KATNIP: variants seen among roughly 807,000 people sequenced by gnomAD.
KATNIP encodes the protein katanin interacting protein.
In KATNIP, 126 loss-of-function variants were observed where a neutral mutation model predicts 174.0. The observed-to-expected ratio is 0.72, with a 90% CI of 0.63 to 0.84. The LOEUF (loss-of-function observed/expected upper bound fraction) is 0.84. Ranked by LOEUF, KATNIP falls within the 40% of genes least tolerant of loss-of-function variation. The probability of loss-of-function intolerance (pLI) is 0.00; values close to 1 mark genes in which losing one functional copy is unlikely to be tolerated. For synonymous variants in KATNIP, 810 were observed against 835.7 expected (o/e 0.97, Z 0.53); for missense variants, 1,958 against 2,109.7 (o/e 0.93, Z 1.41).
chr16:27,639,326 G>A (rs1032201814), intron 5 of KATNIP, among the ~76,000 whole-genome samples: 3 of 152,234 alleles, frequency 2.0e-5, no homozygotes, highest in Admixed American at 6.5e-5. Context: ...TGGTGGTGAT[G>A]TATGGCCTCT....
rs550344736 is a variant in KATNIP, at chr16:27,754,320, A to C, written c.3631+69A>C. Reference sequence around the variant, plus strand: ...TCCAGGGACAGGGGGAGTTGTGGCCACTTGGGACAGGGTTTCGCTGGACAA... The same window carrying C: ...TCCAGGGACAGGGGGAGTTGTGGCCCCTTGGGACAGGGTTTCGCTGGACAA... On this transcript the variant is annotated intron_variant, in intron 18 of 27. Transcript: ENST00000261588. 2.2e-5 allele frequency: 30 copies of C among 1,339,392 alleles called. No individual in the cohort carries two copies. In the Admixed American group the frequency reaches 5.2e-4, roughly 23 times the overall value. The allele number at this position is 1,339,392 out of a possible 1,614,324, so 83.0% of individuals were successfully genotyped here.
chr16:27,587,484 C>T (rs16976881), intron 2 of KATNIP, among the ~76,000 whole-genome samples: 2,008 of 152,272 alleles, frequency 0.013, 53 homozygotes, highest in African/African-American at 0.044. Flanking sequence ...AAAAATGGTT[C>T]GTTATCGTAC....
At chr16:27,615,263 G>A (rs2076007810) in intron 2 of KATNIP, among the ~76,000 whole-genome samples, 1 of 150,860 alleles carries the variant, frequency 6.6e-6, no homozygotes, top group South Asian at 2.1e-4. Context: ...CGAGCAGCTG[G>A]GAATACAGGC....
chr16:27,726,005 C>G (rs1449937145), intron 14 of KATNIP, among the ~76,000 whole-genome samples: 1 of 152,132 alleles, frequency 6.6e-6, no homozygotes, highest in Non-Finnish European at 1.5e-5. Context: ...AGGCCACAGA[C>G]CAGTACCAGT....
chr16:27,725,332 C>T (rs183440578), intron 14 of KATNIP, among the ~76,000 whole-genome samples: 3 of 152,298 alleles, frequency 2.0e-5, no homozygotes, highest in African/African-American at 2.4e-5. Context: ...GATGGCAAAT[C>T]GGCTGTGTCT....
At chr16:27,734,809 G>C (rs2080839167) in intron 14 of KATNIP, among the ~76,000 whole-genome samples, 1 of 152,194 alleles carries the variant, frequency 6.6e-6, no homozygotes, top group African/African-American at 2.4e-5. Context: ...TTGGAATCTA[G>C]CTTGACCCAC....
At chr16:27,640,874 G>A (rs1353003418) in intron 5 of KATNIP, among the ~76,000 whole-genome samples, 1 of 151,950 alleles carries the variant, frequency 6.6e-6, no homozygotes, top group African/African-American at 2.4e-5. Flanking sequence ...GGAGGCTCAC[G>A]CATGTAATCC....
At position 27,740,677 on chromosome 16, in the gene KATNIP, A is replaced by T. The variant is rs1035371937; in HGVS notation, c.2380A>T (p.Ile794Phe). ...WKGRLPSDDV[I>F]GEGPGETEAR... ...GGGCAGGCTCCCATCAGACGATGTC[A>T]TCGGTGAGGGTCCTGGAGAGACCGA... Residue 794 changes from isoleucine (I) to phenylalanine (F), a missense_variant, in exon 15 of 28, where the codon ATC becomes TTC. By Grantham distance (21) the Ile-to-Phe change is conservative. Around this residue, in one of 3 missense-constraint regions of KATNIP, gnomAD observed 1,557 missense variants for 1,617.8 expected, o/e 0.96. Coordinates refer to ENST00000261588, the MANE Select transcript of KATNIP (RefSeq NM_015202.5). The T allele has an allele frequency of 1.9e-6, 3 of 1,614,154 alleles. No individual in the cohort carries two copies. The highest frequency in any genetic ancestry group is 2.5e-6 in the Non-Finnish European group (3 of 1,180,004).
At chr16:27,589,790 T>TTTTA (rs1023849333) in intron 2 of KATNIP, among the ~76,000 whole-genome samples, 2 of 151,930 alleles carry the variant, frequency 1.3e-5, no homozygotes, top group African/African-American at 2.4e-5. Context: ...TTTTATTTTA[T>TTTTA]TTTATTTATT....
intron 21 of KATNIP, 52 bp downstream of exon 21, chr16:27,770,070 T>C: frequency 6.3e-7 from 1 of 1,588,686 alleles, no homozygotes. Context: ...CTGGGCCCGC[T>C]TGCTTTGCAA....
intron 5 of KATNIP, among the ~76,000 whole-genome samples, chr16:27,642,122 C>T (rs1244310145): frequency 2.6e-5 from 4 of 152,162 alleles, no homozygotes; most frequent in African/African-American, 9.7e-5. Flanking sequence ...GACTTGGGAC[C>T]AACACAGATG....
At chr16:27,630,263 T>C (rs2076446963) in intron 4 of KATNIP, among the ~76,000 whole-genome samples, 2 of 152,208 alleles carry the variant, frequency 1.3e-5, no homozygotes, top group African/African-American at 2.4e-5. Flanking sequence ...TTGCATAAAA[T>C]GGGAATAATT....
At chr16:27,551,351 T>C (rs928490283) in intron 1 of KATNIP, among the ~76,000 whole-genome samples, 2 of 152,210 alleles carry the variant, frequency 1.3e-5, no homozygotes, top group Admixed American at 6.5e-5. Flanking sequence ...TGTCATATGC[T>C]TAAAATATAT....
intron 5 of KATNIP, among the ~76,000 whole-genome samples, chr16:27,635,956 C>G (rs1446499267): frequency 2.6e-5 from 4 of 152,036 alleles, no homozygotes; most frequent in Non-Finnish European, 5.9e-5. Context: ...GAGTTCAAGA[C>G]CACCCCAGGC....
intron 2 of KATNIP, among the ~76,000 whole-genome samples, chr16:27,586,875 TAAGGAA>T (rs2090922089): frequency 6.7e-6 from 1 of 148,538 alleles, no homozygotes; most frequent in Admixed American, 6.7e-5. Context: ...GAAATAAGTA[TAAGGAA>T]GTTCAATAAA....
intron 6 of KATNIP, among the ~76,000 whole-genome samples, chr16:27,670,437 G>A (rs1039931651): frequency 3.3e-5 from 5 of 152,160 alleles, no homozygotes; most frequent in African/African-American, 1.2e-4. Flanking sequence ...CTCTTTCATT[G>A]GTCTGGATTT....
At chr16:27,655,044 A>C (rs938337929) in intron 6 of KATNIP, among the ~76,000 whole-genome samples, 2 of 151,470 alleles carry the variant, frequency 1.3e-5, no homozygotes, top group Non-Finnish European at 2.9e-5. Context: ...CCGGAGGATC[A>C]CTTGAGTCCA....
rs770734304 is a variant in KATNIP, at chr16:27,681,486, C to T, written c.896C>T (p.Pro299Leu). The T allele has an allele frequency of 6.8e-6, 11 of 1,614,084 alleles. No individual in the cohort carries two copies. Among genetic ancestry groups the T allele is most frequent in the East Asian group, 2.2e-5 (1 of 44,894 alleles). ...ACCAAACCTGAGCCAAACCTGACTC[C>T]CCAAGCTCCTGCTGTATTCCCAGAC... ...VPTKPEPNLT[P>L]QAPAVFPDQE... The change falls in exon 8 of 28, where the codon CCC becomes CTC. Residue 299 changes from proline (P) to leucine (L), a missense_variant. Transcript: ENST00000261588.
intron 1 of KATNIP, among the ~76,000 whole-genome samples, chr16:27,560,422 C>G (rs901296052): frequency 3.3e-5 from 5 of 152,178 alleles, no homozygotes; most frequent in Non-Finnish European, 7.3e-5. Context: ...GTGGCCACCC[C>G]CTTGACCTGG....
Sources: allele counts gnomAD v4.1 joint callset (sites outside exome capture counted in the v4.1 genomes callset), GRCh38; gene constraint gnomAD v4.1.1; regional missense constraint gnomAD v4.1.1; transcripts MANE v1.5; gene names NCBI Gene and HGNC (gene_info 2026-07-23, HGNC 2026-07-21).